IL1RN: variants seen among roughly 807,000 people sequenced by gnomAD.
IL1RN encodes the protein interleukin 1 receptor antagonist, also known as interleukin-1 receptor antagonist protein.
IL1RN carries 10 observed loss-of-function variants against 13.7 expected under a neutral mutation model. That is an observed-to-expected ratio of 0.73 (90% CI 0.45 to 1.24). IL1RN has a LOEUF of 1.24. Among genes scored for constraint, IL1RN ranks in the 50% most tolerant of loss-of-function variants. IL1RN has a pLI of 0.00. For missense variants in IL1RN, 213 were observed against 222.1 expected, an observed-to-expected ratio of 0.96 and a Z score of 0.26; for synonymous variants, 102 against 82.7, an observed-to-expected ratio of 1.23 and a Z score of -1.27.
chr2:113,128,041 G>T (rs1687028017), intron 1 of IL1RN, among the ~76,000 whole-genome samples: 1 of 152,216 alleles, frequency 6.6e-6, no homozygotes, highest in Non-Finnish European at 1.5e-5. Flanking sequence ...AGTTGAATGT[G>T]CTGACAGAGA....
rs45526933 is a variant in IL1RN at position 113,117,936 on chromosome 2, G to A, written c.-83G>A. The A allele has an allele frequency of 7.1e-3, 6,091 of 853,512 alleles. 43 individuals are homozygous for A. The highest frequency in any genetic ancestry group is 1.0e-2 in the Non-Finnish European group (4,834 of 485,286). The allele number at this position is 853,512 out of a possible 1,614,324, so 52.9% of individuals were successfully genotyped here. Reference sequence around the variant, plus strand: ...AGGGACTGTGGCCCAGGTACTGCCCGGGTGCTACTTTATGGGCAGCAGCTC... The same window carrying A: ...AGGGACTGTGGCCCAGGTACTGCCCAGGTGCTACTTTATGGGCAGCAGCTC... On this transcript the variant is annotated 5_prime_UTR_variant, in exon 1 of 6. Transcript: ENST00000259206.
At position 113,132,703 on chromosome 2, in the gene IL1RN, C is replaced by T. The variant is rs139208403; in HGVS notation, c.366C>T (p.Arg122=). ...DLSENRKQDK[R]FAFIRSDSGP... ...GCGAGAACAGAAAGCAGGACAAGCG[C>T]TTCGCCTTCATCCGCTCAGACAGTG... is the stretch of plus-strand genomic sequence containing the variant. Residue 122 remains arginine, a synonymous_variant, in exon 4 of 4, where the codon CGC becomes CGT. Transcript: ENST00000409930. 3.7e-6 allele frequency: 6 copies of T among 1,614,266 alleles called. No individual in the cohort carries two copies. The highest frequency in any genetic ancestry group is 1.1e-5 in the South Asian group (1 of 91,090).
At chr2:113,106,732 G>T (rs1686392718), upstream of IL1RN, among the ~76,000 whole-genome samples, 1 of 152,136 alleles carries the variant, frequency 6.6e-6, no homozygotes, top group Admixed American at 6.5e-5. Context: ...AGTGATGTGG[G>T]AACCTCAGAG....
intron 2 of IL1RN, among the ~76,000 whole-genome samples, chr2:113,121,015 C>T (rs2104439338): frequency 1.6e-5 from 2 of 124,816 alleles, no homozygotes; most frequent in South Asian, 7.3e-4. Flanking sequence ...CTTCCTCCTC[C>T]TTCTCCTCTT....
upstream of IL1RN, among the ~76,000 whole-genome samples, chr2:113,108,409 C>G (rs952179390): frequency 1.3e-5 from 2 of 151,726 alleles, no homozygotes; most frequent in Admixed American, 6.6e-5. Flanking sequence ...ATCCGTCCCC[C>G]CTCCCCCACC....
At chr2:113,120,073 G>C (rs1173666705) in exon 2 of IL1RN, 3 of 1,613,036 alleles carry the variant, frequency 1.9e-6, no homozygotes, top group Non-Finnish European at 2.5e-6. Context: ...CAGCTGACTT[G>C]TATGAAGAAG....
At chr2:113,117,693 C>T, upstream of IL1RN, 1 of 516,138 alleles carries the variant, frequency 1.9e-6, no homozygotes, top group South Asian at 2.3e-5. Flanking sequence ...GCTCAGTTCT[C>T]TGCATGTGAC....
upstream of IL1RN, among the ~76,000 whole-genome samples, chr2:113,124,176 G>T (rs996645811): frequency 1.3e-5 from 2 of 152,126 alleles, no homozygotes; most frequent in African/African-American, 4.8e-5. Context: ...TGAAAGCCAT[G>T]GGTGCTGATT....
At chr2:113,117,175 G>A (rs1686613762), upstream of IL1RN, among the ~76,000 whole-genome samples, 1 of 152,264 alleles carries the variant, frequency 6.6e-6, no homozygotes, top group South Asian at 2.1e-4. Context: ...AGAAAGCAGG[G>A]AGAGAGTATC....
rs138332136 is a variant in IL1RN at position 113,131,106 on chromosome 2, G to C, written c.267G>C (p.Lys89Asn). The change falls in exon 3 of 4, where the codon AAG becomes AAC. Residue 89 changes from lysine (K) to asparagine (N), a missense_variant. Physicochemically the swap from Lys to Asn is moderately conservative, Grantham distance 94. Coordinates refer to ENST00000409930, the MANE Select transcript of IL1RN (RefSeq NM_173842.3). ...TGTTCTTGGGAATCCATGGAGGGAAGATGTGCCTGTCCTGTGTCAAGTCTG... is the reference window on the plus strand; with the variant it reads ...TGTTCTTGGGAATCCATGGAGGGAACATGTGCCTGTCCTGTGTCAAGTCTG... ...HALFLGIHGG[K>N]MCLSCVKSGD... is the part of the protein sequence containing the mutation. 1.7e-5 allele frequency: 28 copies of C among 1,613,774 alleles called. No individual in the cohort carries two copies. Among genetic ancestry groups the C allele is most frequent in the Non-Finnish European group, 2.3e-5 (27 of 1,179,734 alleles).
chr2:113,131,474 C>T (rs1005429545), intron 3 of IL1RN, among the ~76,000 whole-genome samples: 34 of 152,096 alleles, frequency 2.2e-4, no homozygotes, highest in African/African-American at 6.8e-4. Context: ...AACATGCAGG[C>T]GCTTATTATG....
chr2:113,129,454 T>C, intron 1 of IL1RN, 122 bp from the exon 2 acceptor site: 1 of 763,446 alleles, frequency 1.3e-6, no homozygotes, highest in Admixed American at 1.7e-5. Context: ...TATACTAAAA[T>C]ACTATACCCC....
chr2:113,111,854 G>A (rs1006042929), intron 1 of IL1RN, among the ~76,000 whole-genome samples: 1 of 152,248 alleles, frequency 6.6e-6, no homozygotes, highest in African/African-American at 2.4e-5. Context: ...AGGCAAAGAG[G>A]CCAGTCTGGG....
At chr2:113,102,697 G>A (rs1686332291), upstream of IL1RN, among the ~76,000 whole-genome samples, 1 of 152,116 alleles carries the variant, frequency 6.6e-6, no homozygotes, top group African/African-American at 2.4e-5. Flanking sequence ...TACAGTCAAA[G>A]GGGGTTTCTC....
At chr2:113,111,879 T>C (rs1686504741) in intron 1 of IL1RN, among the ~76,000 whole-genome samples, 2 of 152,276 alleles carry the variant, frequency 1.3e-5, no homozygotes. Flanking sequence ...ATGTGCACCC[T>C]GTTTTTACAA....
chr2:113,105,724 A>G (rs1191638914), upstream of IL1RN, among the ~76,000 whole-genome samples: 1 of 152,230 alleles, frequency 6.6e-6, no homozygotes, highest in African/African-American at 2.4e-5. Context: ...ATTTCAAACA[A>G]CTGTATAATT....
chr2:113,128,453 T>C (rs1376747674), intron 1 of IL1RN, among the ~76,000 whole-genome samples: 2 of 152,128 alleles, frequency 1.3e-5, no homozygotes. Flanking sequence ...TATGTTTGTC[T>C]GGGCCGAGGC....
chr2:113,105,089 G>C (rs1286211481), upstream of IL1RN, among the ~76,000 whole-genome samples: 1 of 152,212 alleles, frequency 6.6e-6, no homozygotes, highest in Non-Finnish European at 1.5e-5. Flanking sequence ...TCTTTCAGAG[G>C]AGGTAGCCTC....
chr2:113,121,582 C>A (rs1686784163), intron 2 of IL1RN: 1 of 985,472 alleles, frequency 1.0e-6, no homozygotes, highest in Non-Finnish European at 1.2e-6. Context: ...GGGCAAAAAT[C>A]ATCTTGGAAG....
Sources: gnomAD v4.1 joint callset for allele counts (sites outside exome capture counted in the v4.1 genomes callset) on GRCh38, gnomAD v4.1.1 for gene constraint, MANE v1.5 for transcripts, NCBI Gene and HGNC (gene_info 2026-07-23, HGNC 2026-07-21) for gene names.